PLXNA4: variants seen among roughly 807,000 people sequenced by gnomAD.
PLXNA4 encodes plexin-A4.
Under a neutral mutation model 191.8 loss-of-function variants are expected in PLXNA4, and 44 were observed. The observed-to-expected ratio is 0.23, with a 90% CI of 0.18 to 0.29. PLXNA4 has a LOEUF of 0.29. Ranked by LOEUF, PLXNA4 falls within the 10% of genes least tolerant of loss-of-function variation. The pLI is 1.00. For synonymous variants in PLXNA4, 1,082 were observed against 1,009.5 expected (o/e 1.07, Z -1.36); for missense variants, 1,800 against 2,488.8 (o/e 0.72, Z 5.89).
rs1796424963 is a variant in PLXNA4 at position 132,459,551 on chromosome 7, G to T, written c.1371+29741C>A. On this transcript the variant is annotated intron_variant, in intron 3 of 31. Coordinates refer to ENST00000321063, the MANE Select transcript of PLXNA4 (RefSeq NM_020911.2). Reference sequence around the variant, plus strand: ...GTTAGAGATGCCGGAAGGGGTCCAGGTCTTGGGTTTGTGTGTGGTTTATTT... The same window carrying T: ...GTTAGAGATGCCGGAAGGGGTCCAGTTCTTGGGTTTGTGTGTGGTTTATTT... Among the ~76,000 whole-genome samples, 3 of 152,128 alleles carry T rather than the reference G, an allele frequency of 2.0e-5. No homozygotes were observed. The South Asian group carries it at 6.2e-4, about 31-fold the overall frequency.
At chr7:132,549,456 C>G (rs1800458387) in intron 1 of PLXNA4, among the ~76,000 whole-genome samples, 1 of 152,140 alleles carries the variant, frequency 6.6e-6, no homozygotes, top group African/African-American at 2.4e-5. Context: ...CTTGGCTACT[C>G]ATGAGAATCA....
chr7:132,410,028 G>C (rs1794386147), intron 3 of PLXNA4, among the ~76,000 whole-genome samples: 1 of 152,204 alleles, frequency 6.6e-6, no homozygotes, highest in Non-Finnish European at 1.5e-5. Flanking sequence ...TGGGTTGAGA[G>C]AAGCTGACTG....
intron 2 of PLXNA4, among the ~76,000 whole-genome samples, chr7:132,591,523 T>TA (rs1802603074): frequency 1.3e-5 from 2 of 152,226 alleles, no homozygotes; most frequent in African/African-American, 4.8e-5. Flanking sequence ...ATATATACAG[T>TA]TGTGCATATA....
intron 4 of PLXNA4, among the ~76,000 whole-genome samples, chr7:132,249,429 T>TG (rs1799169779): frequency 6.6e-6 from 1 of 152,190 alleles, no homozygotes. Context: ...CAACATATGT[T>TG]GGTCCTCATT....
chr7:132,370,851 T>C (rs977995444), intron 3 of PLXNA4, among the ~76,000 whole-genome samples: 1 of 152,226 alleles, frequency 6.6e-6, no homozygotes, highest in East Asian at 1.9e-4. Flanking sequence ...TGTGTGGGCA[T>C]ACCACGTCCC....
At chr7:132,562,641 T>C (rs1181146713) in intron 1 of PLXNA4, among the ~76,000 whole-genome samples, 94 of 54,570 alleles carry the variant, frequency 1.7e-3, no homozygotes, top group East Asian at 3.4e-3. Flanking sequence ...TCTCCTCCTC[T>C]TTCTCCTCCT....
intron 30 of PLXNA4, among the ~76,000 whole-genome samples, chr7:132,135,548 G>A (rs980642964): frequency 6.6e-5 from 10 of 152,200 alleles, no homozygotes; most frequent in Admixed American, 2.0e-4. Flanking sequence ...CTGCAGTGAA[G>A]AGACCATCAC....
chr7:132,302,360 C>T (rs1445169924), intron 3 of PLXNA4, among the ~76,000 whole-genome samples: 1 of 152,124 alleles, frequency 6.6e-6, no homozygotes, highest in Non-Finnish European at 1.5e-5. Flanking sequence ...AGCCCTGGGA[C>T]CATGAGTCTC....
chr7:132,229,929 G>A (rs1235109093), intron 5 of PLXNA4, among the ~76,000 whole-genome samples: 1 of 152,072 alleles, frequency 6.6e-6, no homozygotes, highest in Non-Finnish European at 1.5e-5. Flanking sequence ...GGGCAGCCTG[G>A]GTGGAGAGCC....
At chr7:132,278,579 C>T (rs1385946466) in intron 4 of PLXNA4, among the ~76,000 whole-genome samples, 1 of 152,226 alleles carries the variant, frequency 6.6e-6, no homozygotes, top group African/African-American at 2.4e-5. Flanking sequence ...AGCCTCTTCA[C>T]TAATGGCCCG....
At chr7:132,564,553 T>C (rs913957969) in intron 1 of PLXNA4, among the ~76,000 whole-genome samples, 1 of 152,180 alleles carries the variant, frequency 6.6e-6, no homozygotes, top group Non-Finnish European at 1.5e-5. Context: ...CCCACGTATG[T>C]TGTGGCCACA....
At chr7:132,618,089 G>C (rs1407299141) in intron 2 of PLXNA4, among the ~76,000 whole-genome samples, 1 of 152,218 alleles carries the variant, frequency 6.6e-6, no homozygotes, top group Non-Finnish European at 1.5e-5. Context: ...AGGTCTCATG[G>C]GCCAGAATTG....
intron 24 of PLXNA4, among the ~76,000 whole-genome samples, chr7:132,163,641 C>G (rs1796013957): frequency 6.6e-6 from 1 of 152,204 alleles, no homozygotes; most frequent in South Asian, 2.1e-4. Flanking sequence ...CCTTCAACAA[C>G]TGCCTTGCAC....
intron 3 of PLXNA4, among the ~76,000 whole-genome samples, chr7:132,452,828 T>C (rs1458185184): frequency 6.6e-6 from 1 of 152,104 alleles, no homozygotes; most frequent in Non-Finnish European, 1.5e-5. Flanking sequence ...CCTAATTACA[T>C]CCCTCCATTG....
At chr7:132,613,842 T>C (rs530543484) in intron 2 of PLXNA4, among the ~76,000 whole-genome samples, 17 of 152,192 alleles carry the variant, frequency 1.1e-4, no homozygotes, top group Middle Eastern at 3.4e-3. Context: ...TATTTTTAAA[T>C]CCAGGAAAAA....
chr7:132,420,620 AG>A (rs769784436), intron 3 of PLXNA4, among the ~76,000 whole-genome samples: 19 of 152,364 alleles, frequency 1.2e-4, no homozygotes, highest in Non-Finnish European at 2.6e-4. Context: ...TTTTAAGTGT[AG>A]AGTTAAGTGG....
At chr7:132,500,649 C>T (rs1346805811) in intron 2 of PLXNA4, among the ~76,000 whole-genome samples, 1 of 152,012 alleles carries the variant, frequency 6.6e-6, no homozygotes, top group Non-Finnish European at 1.5e-5. Flanking sequence ...TTATTACGCC[C>T]CTTTCTGTCC....
chr7:132,256,103 C>A (rs73157228), intron 4 of PLXNA4, among the ~76,000 whole-genome samples: 89 of 152,270 alleles, frequency 5.8e-4, no homozygotes, highest in Non-Finnish European at 1.1e-3. Flanking sequence ...TGAGTTGGCA[C>A]GGCACGTCTG....
At chr7:132,408,545 ACT>A (rs937403530) in intron 3 of PLXNA4, among the ~76,000 whole-genome samples, 13 of 151,658 alleles carry the variant, frequency 8.6e-5, no homozygotes, top group Non-Finnish European at 1.6e-4. Flanking sequence ...CTCACTGCAA[ACT>A]CTACCACCCG....
Sources: gnomAD v4.1 joint callset for allele counts (sites outside exome capture counted in the v4.1 genomes callset) on GRCh38, gnomAD v4.1.1 for gene constraint, MANE v1.5 for transcripts, NCBI Gene and HGNC (gene_info 2026-07-23, HGNC 2026-07-21) for gene names.